OPCML: variants seen among roughly 807,000 people sequenced by gnomAD.
OPCML encodes opioid binding protein/cell adhesion molecule like.
In OPCML, 13 loss-of-function variants were observed where a neutral mutation model predicts 37.8. The observed-to-expected ratio is 0.34, with a 90% CI of 0.22 to 0.55. The LOEUF is 0.55. Ranked by LOEUF, OPCML falls within the 20% of genes least tolerant of loss-of-function variation. The probability of loss-of-function intolerance (pLI) is 0.91; values close to 1 mark genes in which losing one functional copy is unlikely to be tolerated. For synonymous variants in OPCML, 176 were observed against 168.8 expected (o/e 1.04, Z -0.33); for missense variants, 341 against 435.6 (o/e 0.78, Z 1.93).
intron 1 of OPCML, among the ~76,000 whole-genome samples, chr11:133,402,261 C>CAAG (rs1945421097): frequency 6.6e-6 from 1 of 151,880 alleles, no homozygotes; most frequent in Non-Finnish European, 1.5e-5. Context: ...AAAAAAAAAC[C>CAAG]CTTCTGGCAA....
chr11:133,066,383 C>G (rs993989518), intron 1 of OPCML: 3 of 152,352 alleles, frequency 2.0e-5, no homozygotes, highest in African/African-American at 7.2e-5. Flanking sequence ...TCCAACCTCC[C>G]CTTTCATAGA....
intron 1 of OPCML, among the ~76,000 whole-genome samples, chr11:133,088,843 T>G (rs557649956): frequency 9.9e-5 from 15 of 152,278 alleles, no homozygotes; most frequent in African/African-American, 3.6e-4. Flanking sequence ...ACGGGGAGAA[T>G]AAGTAATCAT....
intron 7 of OPCML, among the ~76,000 whole-genome samples, chr11:132,427,497 G>A (rs1366183495): frequency 1.3e-5 from 2 of 152,188 alleles, no homozygotes; most frequent in Non-Finnish European, 2.9e-5. Context: ...GTGGCGCTGT[G>A]TTGTTTCACA....
At chr11:132,529,238 A>G in intron 3 of OPCML, 52 bp from the exon 4 acceptor site, 1 of 1,548,804 alleles carries the variant, frequency 6.5e-7, no homozygotes, top group Non-Finnish European at 8.7e-7. Context: ...TTTGCACTTA[A>G]AAGGAGGTGT....
intron 3 of OPCML, among the ~76,000 whole-genome samples, chr11:132,576,494 A>AT (rs550343612): frequency 6.6e-6 from 1 of 151,848 alleles, no homozygotes; most frequent in Non-Finnish European, 1.5e-5. Context: ...TTTAAAAAAT[A>AT]TTTGTATCTC....
chr11:132,618,917 T>C (rs1939204647), intron 3 of OPCML, among the ~76,000 whole-genome samples: 1 of 151,038 alleles, frequency 6.6e-6, no homozygotes, highest in Non-Finnish European at 1.5e-5. Flanking sequence ...CTAAAAAGTC[T>C]AATCATTTAA....
intron 1 of OPCML, among the ~76,000 whole-genome samples, chr11:133,344,866 G>T (rs2136678427): frequency 6.6e-6 from 1 of 152,260 alleles, no homozygotes; most frequent in Middle Eastern, 3.4e-3. Flanking sequence ...TGAAAATAAT[G>T]TACCTTCCTG....
intron 2 of OPCML, among the ~76,000 whole-genome samples, chr11:132,780,118 C>T (rs1042782317): frequency 2.2e-4 from 34 of 152,194 alleles, no homozygotes; most frequent in African/African-American, 8.0e-4. Flanking sequence ...CATCAAAACA[C>T]ATCGTCAGGT....
chr11:133,241,329 C>A (rs559960545), intron 1 of OPCML, among the ~76,000 whole-genome samples: 1 of 152,156 alleles, frequency 6.6e-6, no homozygotes. Flanking sequence ...GAATTATTCC[C>A]GAAAAATGAA....
At chr11:133,288,798 T>C (rs1417875204) in intron 1 of OPCML, among the ~76,000 whole-genome samples, 4 of 152,206 alleles carry the variant, frequency 2.6e-5, no homozygotes, top group African/African-American at 9.6e-5. Flanking sequence ...CTGCTTTCTA[T>C]GTTGGGGTTA....
chr11:133,226,089 G>A (rs928522118), intron 1 of OPCML, among the ~76,000 whole-genome samples: 5 of 152,236 alleles, frequency 3.3e-5, no homozygotes, highest in African/African-American at 1.2e-4. Context: ...TGTGGTCACT[G>A]CAGAGCCCTC....
At chr11:132,820,061 CTGAATGAATGAATGAATGAATGAA>C (rs35080742) in intron 2 of OPCML, among the ~76,000 whole-genome samples, 1 of 73,932 alleles carries the variant, frequency 1.4e-5, no homozygotes, top group African/African-American at 4.8e-5. Context: ...ACAGCAAAAA[CTGAATGAATGAATGAATGAATGAA>C]TGAATGAATG....
chr11:133,239,849 C>T (rs1940658678), intron 1 of OPCML, among the ~76,000 whole-genome samples: 1 of 152,140 alleles, frequency 6.6e-6, no homozygotes, highest in South Asian at 2.1e-4. Context: ...ACTCCACCAC[C>T]AGGTAGGGGC....
chr11:132,580,491 G>T (rs995276518), intron 3 of OPCML, among the ~76,000 whole-genome samples: 1 of 152,068 alleles, frequency 6.6e-6, no homozygotes, highest in African/African-American at 2.4e-5. Flanking sequence ...ATTATGCAGG[G>T]TTTTTTTCAT....
Position 132,641,022 on chromosome 11 carries a change from C to T in OPCML, c.379+16065G>A, listed in dbSNP as rs560841326. Among the ~76,000 whole-genome samples, 11 of 152,242 alleles carry T rather than the reference C, an allele frequency of 7.2e-5. No individual in the cohort carries two copies. In the South Asian group the frequency reaches 1.9e-3, roughly 26 times the overall value. ...GTCCATTAAGGGATTGTTCCAGTAT[C>T]CTCTGGTCTCTCCCTCTAAGCAGGT... On this transcript the variant is annotated intron_variant, in intron 3 of 7. Coordinates refer to ENST00000524381, the MANE Select transcript of OPCML (RefSeq NM_001012393.5).
rs116036634 is a variant in OPCML at position 132,723,980 on chromosome 11, A to G, written c.147-66661T>C. Among the ~76,000 whole-genome samples the G allele has an allele frequency of 8.2e-3, 1,246 of 152,292 alleles. 11 individuals carry two copies. Among genetic ancestry groups the G allele is most frequent in the African/African-American group, 0.028 (1,184 of 41,552 alleles). ...GGTTCTTAAGCAAATAAAGCCTAAG[A>G]CAGCCAGACACAGCTTTTCAAGAGA... is the stretch of plus-strand genomic sequence containing the variant. On this transcript the variant is annotated intron_variant, in intron 2 of 7. Coordinates refer to ENST00000524381, the MANE Select transcript of OPCML (RefSeq NM_001012393.5).
At chr11:132,569,575 C>T (rs1055942128) in intron 3 of OPCML, among the ~76,000 whole-genome samples, 2 of 152,114 alleles carry the variant, frequency 1.3e-5, no homozygotes, top group Non-Finnish European at 2.9e-5. Context: ...GGAAAAACTT[C>T]AATCTTCATA....
At chr11:132,820,952 A>C (rs1297298446) in intron 2 of OPCML, among the ~76,000 whole-genome samples, 1 of 152,186 alleles carries the variant, frequency 6.6e-6, no homozygotes, top group Admixed American at 6.5e-5. Context: ...ATCATACAGC[A>C]TTAGGCATCA....
At chr11:133,126,094 C>CACATAT (rs1491236051) in intron 1 of OPCML, among the ~76,000 whole-genome samples, 3 of 127,006 alleles carry the variant, frequency 2.4e-5, no homozygotes, top group African/African-American at 8.9e-5. Context: ...CACACACACA[C>CACATAT]ATATATGAGA....
Sources: gnomAD v4.1 joint callset for allele counts (sites outside exome capture counted in the v4.1 genomes callset) on GRCh38, gnomAD v4.1.1 for gene constraint, MANE v1.5 for transcripts, NCBI Gene and HGNC (gene_info 2026-07-23, HGNC 2026-07-21) for gene names.